TMEM132C: variants seen among roughly 807,000 people sequenced by gnomAD.
The protein encoded by TMEM132C is protein phosphatase 1, regulatory subunit 152.
A neutral mutation model predicts 61.4 loss-of-function variants in TMEM132C; 29 were observed. That is an observed-to-expected ratio of 0.47 (90% confidence interval 0.35 to 0.64). TMEM132C has a LOEUF of 0.64. Ranked by LOEUF, TMEM132C falls within the 30% of genes least tolerant of loss-of-function variation. TMEM132C has a pLI of 0.00. For missense variants in TMEM132C, 1,408 were observed against 1,476.9 expected, an observed-to-expected ratio of 0.95 and a Z score of 0.76; for synonymous variants, 656 against 633.1, an observed-to-expected ratio of 1.04 and a Z score of -0.54.
rs186532934 is a variant in TMEM132C, at chr12:128,508,263, C to T, written c.975-35694C>T. ...TAAGACTTTTTCACTACCATGAGAA[C>T]GGTATGGGGGAAACCGCCTCCGTGA... On this transcript the variant is annotated intron_variant, in intron 2 of 8. Transcript: ENST00000435159. 3.3e-3 allele frequency among the ~76,000 whole-genome samples: 500 copies of T among 152,286 alleles called. 4 individuals carry two copies. The highest frequency in any genetic ancestry group is 6.8e-3 in the Middle Eastern group (2 of 294).
intron 1 of TMEM132C, among the ~76,000 whole-genome samples, chr12:128,389,043 G>A (rs1874682142): frequency 6.8e-6 from 1 of 146,236 alleles, no homozygotes; most frequent in South Asian, 2.1e-4. Context: ...CCCTGGGAGA[G>A]ACAAAGACCA....
intron 2 of TMEM132C, among the ~76,000 whole-genome samples, chr12:128,474,084 A>G (rs1338950586): frequency 6.6e-6 from 1 of 152,172 alleles, no homozygotes; most frequent in South Asian, 2.1e-4. Context: ...AAATTTTAGA[A>G]CCATGGTTCT....
chr12:128,340,749 CTTT>C (rs1331753672), intron 1 of TMEM132C, among the ~76,000 whole-genome samples: 1 of 141,902 alleles, frequency 7.0e-6, no homozygotes, highest in Non-Finnish European at 1.5e-5. Context: ...TTCTTTTTTT[CTTT>C]TTCTTTCTTT....
At chr12:128,601,640 C>T (rs1228265609) in intron 3 of TMEM132C, among the ~76,000 whole-genome samples, 1 of 148,846 alleles carries the variant, frequency 6.7e-6, no homozygotes, top group Admixed American at 6.7e-5. Flanking sequence ...AAAGCACAGG[C>T]AGGGGCACTG....
chr12:128,503,951 C>T (rs934282274), intron 2 of TMEM132C, among the ~76,000 whole-genome samples: 5 of 152,202 alleles, frequency 3.3e-5, no homozygotes, highest in Non-Finnish European at 5.9e-5. Flanking sequence ...TGGTTCTGGC[C>T]CATGAACCCT....
At chr12:128,559,737 T>C (rs1453587165) in intron 3 of TMEM132C, among the ~76,000 whole-genome samples, 1 of 152,184 alleles carries the variant, frequency 6.6e-6, no homozygotes, top group Non-Finnish European at 1.5e-5. Flanking sequence ...CCTGGGAAGC[T>C]CTAGCATGGT....
At chr12:128,646,885 G>A (rs1400615297) in intron 4 of TMEM132C, among the ~76,000 whole-genome samples, 1 of 150,472 alleles carries the variant, frequency 6.6e-6, no homozygotes, top group Non-Finnish European at 1.5e-5. Context: ...GTTTACTGGA[G>A]TCCATCAGTG....
chr12:128,639,141 A>G (rs111205208), intron 4 of TMEM132C, among the ~76,000 whole-genome samples: 10 of 140,578 alleles, frequency 7.1e-5, no homozygotes, highest in African/African-American at 2.8e-4. Context: ...GTTAATGACA[A>G]TGGTGATGAT....
chr12:128,393,941 T>C, intron 1 of TMEM132C, among the ~76,000 whole-genome samples: 1 of 152,216 alleles, frequency 6.6e-6, no homozygotes, highest in Non-Finnish European at 1.5e-5. Flanking sequence ...TTTAAGTGCA[T>C]GCGAGGCTGA....
At chr12:128,676,282 C>G (rs1337937511) in intron 5 of TMEM132C, among the ~76,000 whole-genome samples, 4 of 151,838 alleles carry the variant, frequency 2.6e-5, no homozygotes, top group African/African-American at 9.7e-5. Context: ...TAAAATATTC[C>G]TCATTTAAGA....
intron 2 of TMEM132C, among the ~76,000 whole-genome samples, chr12:128,469,632 G>GTGTGTT (rs200088923): frequency 0.014 from 1,994 of 146,184 alleles, 53 homozygotes; most frequent in African/African-American, 0.052. Context: ...TGCTTTGTGT[G>GTGTGTT]TGTGTGTTTG....
At chr12:128,327,004 T>C (rs1391898360) in intron 1 of TMEM132C, among the ~76,000 whole-genome samples, 1 of 149,944 alleles carries the variant, frequency 6.7e-6, no homozygotes, top group African/African-American at 2.5e-5. Context: ...CTTTTAGGTT[T>C]TCTTTTATCC....
chr12:128,613,336 G>A (rs1025221568), intron 3 of TMEM132C, among the ~76,000 whole-genome samples: 1 of 152,212 alleles, frequency 6.6e-6, no homozygotes, highest in Non-Finnish European at 1.5e-5. Flanking sequence ...AGCAGTGAGA[G>A]AGGATCTCCT....
intron 1 of TMEM132C, among the ~76,000 whole-genome samples, chr12:128,295,106 A>C (rs911959457): frequency 1.3e-5 from 2 of 152,116 alleles, no homozygotes; most frequent in South Asian, 4.2e-4. Flanking sequence ...TTTTGTATAC[A>C]AATAGATGCC....
chr12:128,532,757 T>C (rs1420774584), intron 2 of TMEM132C, among the ~76,000 whole-genome samples: 3 of 150,404 alleles, frequency 2.0e-5, no homozygotes, highest in Non-Finnish European at 4.4e-5. Flanking sequence ...GAAGCTCGAG[T>C]GCCTGATCCT....
intron 3 of TMEM132C, among the ~76,000 whole-genome samples, chr12:128,558,738 TC>T (rs1874411816): frequency 6.6e-6 from 1 of 152,198 alleles, no homozygotes; most frequent in Non-Finnish European, 1.5e-5. Flanking sequence ...TGGCCTTTAC[TC>T]CCACCCTCAG....
rs190556433 is a variant in TMEM132C at position 128,415,453 on chromosome 12, C to T, written c.807C>T (p.Ile269=). The T allele has an allele frequency of 1.9e-3, 3,005 of 1,551,612 alleles. 4 individuals carry two copies. The highest frequency in any genetic ancestry group is 2.5e-3 in the Non-Finnish European group (2,817 of 1,146,962). The change falls in exon 2 of 9, where the codon ATC becomes ATT. Residue 269 remains isoleucine (I), a synonymous_variant. Transcript: ENST00000435159. This position sits in a 1 kb window ranked among gnomAD's most constrained non-coding sequence, Gnocchi z 5.8. ...LEETTSHLQR[I]GTVGLYRAQD... ...AAACCACGTCCCACCTGCAGAGGAT[C>T]GGCACCGTCGGCCTTTACCGGGCCC...
At chr12:128,533,828 T>C (rs1226014300) in intron 2 of TMEM132C, among the ~76,000 whole-genome samples, 1 of 152,104 alleles carries the variant, frequency 6.6e-6, no homozygotes. Flanking sequence ...ACTCTGAAGA[T>C]CAGATTCAGC....
chr12:128,668,447 T>G (rs1188255374), intron 4 of TMEM132C, among the ~76,000 whole-genome samples: 2 of 152,152 alleles, frequency 1.3e-5, no homozygotes, highest in Non-Finnish European at 2.9e-5. Flanking sequence ...AAAAAGAAAG[T>G]AATGGTTGAA....
Sources: allele counts gnomAD v4.1 joint callset (sites outside exome capture counted in the v4.1 genomes callset), GRCh38; gene constraint gnomAD v4.1.1; non-coding constraint Gnocchi (gnomAD v3.1); transcripts MANE v1.5; gene names NCBI Gene and HGNC (gene_info 2026-07-23, HGNC 2026-07-21).